TXK: variants seen among roughly 807,000 people sequenced by gnomAD.
TXK encodes the protein tyrosine-protein kinase TXK.
In TXK, 60 loss-of-function variants were observed where a neutral mutation model predicts 81.0. The observed-to-expected ratio is 0.74, with a 90% CI of 0.60 to 0.92. TXK has a LOEUF of 0.92. Among genes scored for constraint, TXK ranks in the 40% least tolerant of loss-of-function variants. The pLI, the probability that TXK is intolerant of heterozygous loss-of-function variation, is 0.00. For missense variants in TXK, 581 were observed against 638.3 expected (o/e 0.91, Z 0.97); for synonymous variants, 203 against 210.7 (o/e 0.96, Z 0.32).
At chr4:48,102,708 T>C (rs971140229) in intron 6 of TXK, among the ~76,000 whole-genome samples, 2 of 152,220 alleles carry the variant, frequency 1.3e-5, no homozygotes, top group Non-Finnish European at 2.9e-5. Context: ...CAGAAACATT[T>C]TGAATGTTTA....
chr4:48,127,866 C>CAA (rs1719131607), intron 1 of TXK, among the ~76,000 whole-genome samples: 1 of 152,172 alleles, frequency 6.6e-6, no homozygotes, highest in Admixed American at 6.5e-5. Flanking sequence ...CCTCTGTCCT[C>CAA]TAGGAGAGGC....
At chr4:48,076,505 CT>C in intron 11 of TXK, 39 bp from the exon 12 acceptor site, 1 of 1,570,520 alleles carries the variant, frequency 6.4e-7, no homozygotes, top group Non-Finnish European at 8.7e-7. Context: ...TGAATACAAG[CT>C]TTTATTTCAA....
intron 1 of TXK, among the ~76,000 whole-genome samples, chr4:48,116,709 C>T (rs1355354324): frequency 6.6e-6 from 1 of 152,226 alleles, no homozygotes; most frequent in Non-Finnish European, 1.5e-5. Flanking sequence ...CCTTACTCCA[C>T]TGTCCTCCCT....
intron 1 of TXK, among the ~76,000 whole-genome samples, chr4:48,133,496 C>T (rs1280479533): frequency 6.6e-6 from 1 of 152,184 alleles, no homozygotes; most frequent in African/African-American, 2.4e-5. Flanking sequence ...GTGACTTTGA[C>T]TCTTATTTTG....
intron 5 of TXK, among the ~76,000 whole-genome samples, chr4:48,107,643 A>C (rs1376362724): frequency 6.6e-6 from 1 of 152,054 alleles, no homozygotes; most frequent in African/African-American, 2.4e-5. Flanking sequence ...TGCACAGATC[A>C]ACTCATCGCC....
chr4:48,109,376 A>C (rs1335948620), intron 5 of TXK: 2 of 152,078 alleles, frequency 1.3e-5, no homozygotes, highest in Non-Finnish European at 2.9e-5. Context: ...TCTCTGTATC[A>C]TTCCAATTTT....
chr4:48,075,162 C>CT (rs1195757687), intron 12 of TXK, among the ~76,000 whole-genome samples: 1 of 152,122 alleles, frequency 6.6e-6, no homozygotes, highest in African/African-American at 2.4e-5. Context: ...ATCTTGTACC[C>CT]TAAAGGGCTG....
At chr4:48,124,646 T>C (rs904196860) in intron 1 of TXK, among the ~76,000 whole-genome samples, 1 of 152,108 alleles carries the variant, frequency 6.6e-6, no homozygotes, top group Non-Finnish European at 1.5e-5. Context: ...ACCGTGACCT[T>C]TTGACTGAGT....
intron 1 of TXK, among the ~76,000 whole-genome samples, chr4:48,120,248 T>A (rs1345917209): frequency 6.8e-6 from 1 of 148,114 alleles, no homozygotes; most frequent in Non-Finnish European, 1.5e-5. Flanking sequence ...TATACGTATA[T>A]GTGTATATAT....
chr4:48,133,164 A>C (rs10033663), intron 1 of TXK, among the ~76,000 whole-genome samples: 59,180 of 151,886 alleles, frequency 0.39, 11,884 homozygotes, highest in Admixed American at 0.47. Flanking sequence ...TTTATAAAGA[A>C]ACAAACACAT....
intron 10 of TXK, among the ~76,000 whole-genome samples, chr4:48,084,798 G>C (rs1477439325): frequency 8.2e-6 from 1 of 122,014 alleles, no homozygotes; most frequent in Non-Finnish European, 1.8e-5. Context: ...AGAGCCCCAA[G>C]GGATATACTT....
chr4:48,100,887 G>A (rs1334317185), intron 6 of TXK, among the ~76,000 whole-genome samples: 2 of 151,680 alleles, frequency 1.3e-5, no homozygotes, highest in Non-Finnish European at 2.9e-5. Context: ...GTACTGATGT[G>A]GAAAGATTCT....
At chr4:48,126,648 ACT>A in intron 1 of TXK, among the ~76,000 whole-genome samples, 2 of 147,372 alleles carry the variant, frequency 1.4e-5, no homozygotes, top group Non-Finnish European at 3.0e-5. Flanking sequence ...CTACAGGCAC[ACT>A]CCACCATACC....
chr4:48,124,981 T>C (rs1719050660), intron 1 of TXK, among the ~76,000 whole-genome samples: 1 of 152,192 alleles, frequency 6.6e-6, no homozygotes, highest in Non-Finnish European at 1.5e-5. Context: ...TAATAAAAGT[T>C]GTCTTCTAAG....
At position 48,079,927 on chromosome 4, in the gene TXK, A is replaced by G; in HGVS notation, c.1158T>C (p.Tyr386=). 1 of 1,613,530 alleles carries G rather than the reference A, an allele frequency of 6.2e-7. No homozygotes were observed. Among genetic ancestry groups the G allele is most frequent in the East Asian group, 2.2e-5 (1 of 44,856 alleles). ...CCATACTTACCAAATCCCTATGAAT[A>G]TAGCCATTCCTCTCCAGATATTCCA... ...EGMEYLERNG[Y]IHRDLAARNC... is the part of the protein sequence containing the mutation. The change falls in exon 11 of 15, where the codon TAT becomes TAC. Residue 386 remains tyrosine, a synonymous_variant. Coordinates refer to ENST00000264316, the MANE Select transcript of TXK (RefSeq NM_003328.3).
At chr4:48,082,202 C>A (rs1428726727) in intron 10 of TXK, among the ~76,000 whole-genome samples, 1 of 152,184 alleles carries the variant, frequency 6.6e-6, no homozygotes, top group Non-Finnish European at 1.5e-5. Flanking sequence ...CCCTAACCAT[C>A]TGAATGGACT....
chr4:48,110,534 T>G lies in TXK; in HGVS notation c.446+4A>C. ...TCATAGGTTATATTTTGGAGAAGAC[T>G]TACTCATATATTTCTAAATTAGTTA... is the stretch of plus-strand genomic sequence containing the variant. On this transcript the variant is annotated splice_donor_region_variant and intron_variant, in intron 5 of 14. Coordinates refer to ENST00000264316, the MANE Select transcript of TXK (RefSeq NM_003328.3). The G allele has an allele frequency of 6.3e-7, 1 of 1,598,514 alleles. No homozygotes were observed. Among genetic ancestry groups the G allele is most frequent in the East Asian group, 2.2e-5 (1 of 44,666 alleles).
chr4:48,114,451 T>TA, intron 1 of TXK, 49 bp from the exon 2 acceptor site: 1 of 1,575,132 alleles, frequency 6.3e-7, no homozygotes, highest in East Asian at 2.2e-5. Context: ...GAGTACGTGA[T>TA]ATTGAGGGAG....
intron 1 of TXK, among the ~76,000 whole-genome samples, chr4:48,133,025 G>C (rs557899157): frequency 2.6e-5 from 4 of 151,904 alleles, no homozygotes; most frequent in Non-Finnish European, 5.9e-5. Flanking sequence ...ACTTTCAAAG[G>C]CACAATTTTC....
Sources: allele counts gnomAD v4.1 joint callset (sites outside exome capture counted in the v4.1 genomes callset), GRCh38; gene constraint gnomAD v4.1.1; transcripts MANE v1.5; gene names NCBI Gene and HGNC (gene_info 2026-07-23, HGNC 2026-07-21).